PRKN: variants seen among roughly 807,000 people sequenced by gnomAD.
The protein encoded by PRKN is parkin RBR E3 ubiquitin protein ligase, also known as E3 ubiquitin-protein ligase parkin.
Under a neutral mutation model 59.5 loss-of-function variants are expected in PRKN, and 56 were observed. The observed-to-expected ratio is 0.94, with a 90% confidence interval of 0.76 to 1.18. PRKN has a LOEUF of 1.18. Among genes scored for constraint, PRKN ranks in the 50% most tolerant of loss-of-function variants. PRKN has a pLI of 0.00. For missense variants in PRKN, 657 were observed against 596.4 expected (o/e 1.10, Z -1.06); for synonymous variants, 250 against 222.1 (o/e 1.13, Z -1.12).
intron 2 of PRKN, among the ~76,000 whole-genome samples, chr6:162,436,192 AAAAAAAAAAAAAT>A (rs1789761549): frequency 6.6e-6 from 1 of 150,982 alleles, no homozygotes; most frequent in African/African-American, 2.4e-5. Context: ...AAAAAAAAAA[AAAAAAAAAAAAAT>A]TTGAATAAAT....
chr6:161,443,713 C>T (rs890857793), intron 9 of PRKN, among the ~76,000 whole-genome samples: 10 of 152,042 alleles, frequency 6.6e-5, no homozygotes, highest in Admixed American at 3.9e-4. Flanking sequence ...AGAAATCCTC[C>T]GCAGTCATTA....
Position 161,874,575 on chromosome 6 carries a change from TATGTA to T in PRKN, c.735-88672_735-88668del, listed in dbSNP as rs1365527654. On this transcript the variant is annotated intron_variant, in intron 6 of 11. Coordinates refer to ENST00000366898, the MANE Select transcript of PRKN (RefSeq NM_004562.3). ...TATATATTATATATAAAATATATAT[TATGTA>T]AAATATATATTGTATGTAAAATATA... Among the ~76,000 whole-genome samples, 118 of 75,476 alleles carry T rather than the reference TATGTA, an allele frequency of 1.6e-3. 4 individuals are homozygous for T. The highest frequency in any genetic ancestry group is 8.1e-3 in the African/African-American group (114 of 14,012). The allele number at this position is 75,476 out of a possible 152,430, so 49.5% of individuals were successfully genotyped here.
At chr6:162,101,548 T>C in intron 4 of PRKN, among the ~76,000 whole-genome samples, 1 of 151,646 alleles carries the variant, frequency 6.6e-6, no homozygotes, top group East Asian at 2.0e-4. Flanking sequence ...GGCGGGCGCC[T>C]GCAGTCCCAG....
intron 5 of PRKN, among the ~76,000 whole-genome samples, chr6:162,047,723 C>T (rs959656598): frequency 2.0e-5 from 3 of 152,124 alleles, no homozygotes; most frequent in African/African-American, 7.2e-5. Flanking sequence ...ACTTTTTGGA[C>T]ATAAAATACG....
In PRKN at chr6:161,757,962, A is replaced by AATATATATAT. The variant is rs140547354; in HGVS notation, c.871+27800_871+27809dup. 8.6e-4 allele frequency among the ~76,000 whole-genome samples: 116 copies of AATATATATAT among 134,150 alleles called. 1 individual carries two copies. The highest frequency in any genetic ancestry group is 3.1e-3 in the African/African-American group (110 of 35,238). 88.0% of individuals were successfully genotyped at this position (134,150 alleles called of 152,430 possible). On this transcript the variant is annotated intron_variant, in intron 7 of 11. Coordinates refer to ENST00000366898, the MANE Select transcript of PRKN (RefSeq NM_004562.3). Reference sequence around the variant, plus strand: ...ATATATGTATATATATATACAGTTAAATATATATATATATATTTAACATCA... The same window carrying AATATATATAT: ...ATATATGTATATATATATACAGTTAAATATATATATATATATATATATATATTTAACATCA...
chr6:161,787,628 G>A (rs1790473548), intron 6 of PRKN, among the ~76,000 whole-genome samples: 1 of 152,162 alleles, frequency 6.6e-6, no homozygotes, highest in Non-Finnish European at 1.5e-5. Context: ...TTATGAAAAT[G>A]TGCCTGTATA....
At chr6:161,897,524 A>G (rs1044042726) in intron 6 of PRKN, among the ~76,000 whole-genome samples, 1 of 152,224 alleles carries the variant, frequency 6.6e-6, no homozygotes, top group Non-Finnish European at 1.5e-5. Flanking sequence ...TTGATTGATT[A>G]GACTGCTTAC....
At chr6:162,580,215 C>T (rs775510785) in intron 1 of PRKN, among the ~76,000 whole-genome samples, 10 of 151,984 alleles carry the variant, frequency 6.6e-5, no homozygotes, top group Non-Finnish European at 1.2e-4. Context: ...GGCAAGCAGA[C>T]GGCTTGAGCC....
rs571502978 is a variant in PRKN, at chr6:161,583,816, C to T, written c.872-14400G>A. On this transcript the variant is annotated intron_variant, in intron 7 of 11. Coordinates refer to ENST00000366898, the MANE Select transcript of PRKN (RefSeq NM_004562.3). The stretch of plus-strand genomic sequence containing the variant: ...CATACATCATCGTTTTTAATGGCTA[C>T]GCACCTTTGCAATATCCTTGAGGCA... 8.0e-4 allele frequency among the ~76,000 whole-genome samples: 122 copies of T among 152,286 alleles called. 1 individual carries two copies. The highest frequency in any genetic ancestry group is 2.8e-3 in the African/African-American group (118 of 41,558).
intron 7 of PRKN, among the ~76,000 whole-genome samples, chr6:161,780,251 C>T (rs148319190): frequency 1.8e-3 from 272 of 152,160 alleles, no homozygotes; most frequent in Non-Finnish European, 2.0e-3. Flanking sequence ...TCTGAGGTGC[C>T]GTATATAAAC....
At chr6:162,198,840 C>T (rs969786083) in intron 4 of PRKN, among the ~76,000 whole-genome samples, 1 of 152,092 alleles carries the variant, frequency 6.6e-6, no homozygotes, top group African/African-American at 2.4e-5. Context: ...TAAGTACCTA[C>T]TATTAATGTA....
At chr6:162,072,032 C>T (rs116982244) in intron 4 of PRKN, among the ~76,000 whole-genome samples, 7,618 of 152,104 alleles carry the variant, frequency 0.05, 254 homozygotes, top group Non-Finnish European at 0.075. Context: ...TTTTTTAATT[C>T]CTTTAACAAA....
intron 6 of PRKN, among the ~76,000 whole-genome samples, chr6:161,819,761 C>A (rs907810127): frequency 6.6e-6 from 1 of 152,022 alleles, no homozygotes; most frequent in African/African-American, 2.4e-5. Flanking sequence ...CATTTTAAAG[C>A]GAATCTCAAA....
At chr6:161,774,001 T>G (rs1450993616) in intron 7 of PRKN, among the ~76,000 whole-genome samples, 1 of 152,100 alleles carries the variant, frequency 6.6e-6, no homozygotes, top group Admixed American at 6.6e-5. Context: ...CATGCATGCA[T>G]CAGGCAAACA....
At chr6:161,501,908 G>T (rs1200561219) in intron 9 of PRKN, among the ~76,000 whole-genome samples, 1 of 152,180 alleles carries the variant, frequency 6.6e-6, no homozygotes, top group Non-Finnish European at 1.5e-5. Context: ...AAGATATGAA[G>T]ATATAACCCT....
chr6:161,716,067 CATCTT>C lies in PRKN; in HGVS notation c.871+69700_871+69704del, dbSNP rs112078090. ...CACAGCCACCATGCTGTGCTGGGCC[CATCTT>C]ACCGACTCCTCTCCTGAATCCCCCC... On this transcript the variant is annotated intron_variant, in intron 7 of 11. Coordinates refer to ENST00000366898, the MANE Select transcript of PRKN (RefSeq NM_004562.3). 0.2 allele frequency: 262,142 copies of C among 1,319,124 alleles called. 32,489 individuals are homozygous for C. The highest frequency in any genetic ancestry group is 0.59 in the African/African-American group (38,421 of 65,164). 81.7% of individuals were successfully genotyped at this position (1,319,124 alleles called of 1,614,324 possible). A position where few individuals can be genotyped will look rare whatever the true frequency, so the allele number is the denominator to read the frequency against.
At chr6:161,854,516 A>T (rs1378479706) in intron 6 of PRKN, among the ~76,000 whole-genome samples, 2 of 152,136 alleles carry the variant, frequency 1.3e-5, no homozygotes, top group East Asian at 3.9e-4. Flanking sequence ...ACTTACCTAC[A>T]TATAGCTGTT....
intron 6 of PRKN, among the ~76,000 whole-genome samples, chr6:161,924,923 C>T (rs1479827201): frequency 6.6e-6 from 1 of 152,200 alleles, no homozygotes; most frequent in Non-Finnish European, 1.5e-5. Context: ...AGTCCCTCCA[C>T]AAACAAGAAC....
At chr6:162,580,678 A>G (rs1471325226) in intron 1 of PRKN, among the ~76,000 whole-genome samples, 1 of 152,132 alleles carries the variant, frequency 6.6e-6, no homozygotes, top group African/African-American at 2.4e-5. Flanking sequence ...GTGTTGGACA[A>G]TACATCAAGG....
Sources: allele counts gnomAD v4.1 joint callset (sites outside exome capture counted in the v4.1 genomes callset), GRCh38; gene constraint gnomAD v4.1.1; transcripts MANE v1.5; gene names NCBI Gene and HGNC (gene_info 2026-07-23, HGNC 2026-07-21).